Variants in RNF145 observed in about 807,000 individuals in gnomAD.
RNF145 encodes the protein ring finger protein 145.
Under a neutral mutation model 57.3 loss-of-function variants are expected in RNF145, and 12 were observed. That is an observed-to-expected ratio of 0.21 (90% confidence interval 0.13 to 0.34). The LOEUF is 0.34. RNF145 is among the 10% of genes least tolerant of loss of function. RNF145 has a pLI of 1.00. For missense variants in RNF145, 429 were observed against 799.0 expected (o/e 0.54, Z 5.58); for synonymous variants, 262 against 288.3 (o/e 0.91, Z 0.92).
chr5:159,182,345 T>G (rs1225678447), intron 3 of RNF145, among the ~76,000 whole-genome samples: 2 of 152,064 alleles, frequency 1.3e-5, no homozygotes, highest in Non-Finnish European at 2.9e-5. Context: ...AAAAACCCAA[T>G]TGAGAGCTGA....
intron 3 of RNF145, among the ~76,000 whole-genome samples, chr5:159,189,291 A>G (rs1785202734): frequency 6.6e-6 from 1 of 152,258 alleles, no homozygotes; most frequent in Non-Finnish European, 1.5e-5. Flanking sequence ...TTAAATACTG[A>G]GCAAAGGATG....
rs1397005010 is a variant in RNF145, at chr5:159,157,878, C to A, written c.*792G>T. 2 of 152,774 alleles carry A rather than the reference C, an allele frequency of 1.3e-5. No individual in the cohort carries two copies. The highest frequency in any genetic ancestry group is 2.9e-5 in the Non-Finnish European group (2 of 68,032). 9.5% of individuals were successfully genotyped at this position (152,774 alleles called of 1,614,324 possible). A position where few individuals can be genotyped will look rare whatever the true frequency, so the allele number is the denominator to read the frequency against. On this transcript the variant is annotated 3_prime_UTR_variant, in exon 11 of 11. Transcript: ENST00000424310. Reference sequence around the variant, plus strand: ...CTAAAGCCCTTCCCACTTTGGTCTCCTTCACTAAAGCAGACTCCAAAGTGT... The same window carrying A: ...CTAAAGCCCTTCCCACTTTGGTCTCATTCACTAAAGCAGACTCCAAAGTGT...
chr5:159,164,228 C>T (rs1025531513), intron 8 of RNF145, among the ~76,000 whole-genome samples: 7 of 151,556 alleles, frequency 4.6e-5, no homozygotes, highest in African/African-American at 1.5e-4. Flanking sequence ...TTTTTCTTGC[C>T]AAAAACTAAT....
chr5:159,195,820 C>T (rs973504995), intron 2 of RNF145, among the ~76,000 whole-genome samples: 2 of 152,138 alleles, frequency 1.3e-5, no homozygotes, highest in Non-Finnish European at 2.9e-5. Flanking sequence ...CAGGCAAAAA[C>T]ATATCCTCAT....
At chr5:159,201,367 T>A (rs1428003196) in intron 2 of RNF145, among the ~76,000 whole-genome samples, 2 of 152,222 alleles carry the variant, frequency 1.3e-5, no homozygotes, top group Non-Finnish European at 2.9e-5. Context: ...TTTGTACTTG[T>A]TGAAATTATA....
At position 159,158,620 on chromosome 5, in the gene RNF145, A is replaced by C; in HGVS notation, c.*50T>G. ...AAATCAGAACATGAATTCCATCTTG[A>C]GTTAACTTCTCCTCCAGAGTATCAA... On this transcript the variant is annotated 3_prime_UTR_variant, in exon 11 of 11. Transcript: ENST00000424310. 1 of 1,561,666 alleles carries C rather than the reference A, an allele frequency of 6.4e-7. No homozygotes were observed. The highest frequency in any genetic ancestry group is 8.7e-7 in the Non-Finnish European group (1 of 1,152,030).
chr5:159,167,418 C>CAAA (rs1161794254), intron 8 of RNF145, among the ~76,000 whole-genome samples: 2 of 152,186 alleles, frequency 1.3e-5, no homozygotes, highest in African/African-American at 4.8e-5. Flanking sequence ...TGGAGAAAGC[C>CAAA]AGTAGTGAGG....
chr5:159,205,267 A>T (rs1785835773), intron 1 of RNF145, among the ~76,000 whole-genome samples: 1 of 152,234 alleles, frequency 6.6e-6, no homozygotes, highest in South Asian at 2.1e-4. Context: ...TCATTTTCAT[A>T]ATTTTCCTAC....
chr5:159,205,784 T>C (rs568933787), intron 1 of RNF145, among the ~76,000 whole-genome samples: 2 of 152,320 alleles, frequency 1.3e-5, no homozygotes. Context: ...GGAGGAGCTA[T>C]TACTGATTTA....
At chr5:159,204,476 T>A (rs1055028029) in intron 1 of RNF145, among the ~76,000 whole-genome samples, 4 of 152,070 alleles carry the variant, frequency 2.6e-5, no homozygotes, top group African/African-American at 9.7e-5. Context: ...CTGCTTTATA[T>A]GGTAGAACTT....
rs1272675346 is a variant in RNF145 at position 159,207,440 on chromosome 5, C to T, written c.-40+1791G>A. ...ATTCAGTACAATACTTCTACACCTTCCCCCTAAAAAAGAAAAACAAAAATC... is the reference window on the plus strand; with the variant it reads ...ATTCAGTACAATACTTCTACACCTTTCCCCTAAAAAAGAAAAACAAAAATC... On this transcript the variant is annotated intron_variant, in intron 1 of 10. Transcript: ENST00000424310. 7 of 1,308,072 alleles carry T rather than the reference C, an allele frequency of 5.4e-6. No individual in the cohort carries two copies. The Admixed American group carries it at 9.9e-5, about 19-fold the overall frequency. The allele number at this position is 1,308,072 out of a possible 1,614,324, so 81.0% of individuals were successfully genotyped here.
intron 4 of RNF145, among the ~76,000 whole-genome samples, chr5:159,177,982 A>G (rs1486351224): frequency 3.3e-5 from 5 of 152,022 alleles, no homozygotes; most frequent in Non-Finnish European, 7.4e-5. Flanking sequence ...CGAAATAGTA[A>G]TCCTTAGTCA....
At chr5:159,181,128 CAAA>C (rs76460086) in intron 4 of RNF145, among the ~76,000 whole-genome samples, 2 of 89,604 alleles carry the variant, frequency 2.2e-5, no homozygotes, top group Non-Finnish European at 2.2e-5. Flanking sequence ...GACTCTGTCT[CAAA>C]AAAAAAAAAA....
At chr5:159,209,029 G>C (rs1240302651) in intron 1 of RNF145, among the ~76,000 whole-genome samples, 1 of 152,012 alleles carries the variant, frequency 6.6e-6, no homozygotes, top group Non-Finnish European at 1.5e-5. Context: ...TAGAGGATGG[G>C]AGGGAGGGGT....
At position 159,203,466 on chromosome 5, in the gene RNF145, T is replaced by A; in HGVS notation, c.152A>T (p.Tyr51Phe). ...ATGCATATTAAGAGCCAAATACTTA[T>A]ACTGGAAAAGAGGGTTATTACTAAG... The part of the protein sequence containing the change: ...SSLSNNPLFQ[Y>F]KYLALNMHYV... Residue 51 changes from tyrosine to phenylalanine, a missense_variant, in exon 2 of 11, where the codon TAT (tyrosine) becomes TTT (phenylalanine). Tyr to Phe is a conservative substitution (Grantham distance 22). Around this residue, in one of 4 missense-constraint regions of RNF145, gnomAD observed 109 missense variants for 207.2 expected, o/e 0.53. Coordinates refer to ENST00000424310, the MANE Select transcript of RNF145 (RefSeq NM_001199383.2). 2 of 1,613,906 alleles carry A rather than the reference T, an allele frequency of 1.2e-6. No individual in the cohort carries two copies. The highest frequency in any genetic ancestry group is 1.7e-6 in the Non-Finnish European group (2 of 1,179,788).
intron 8 of RNF145, among the ~76,000 whole-genome samples, chr5:159,166,662 G>A (rs12055000): frequency 0.1 from 15,452 of 152,142 alleles, 1,092 homozygotes; most frequent in East Asian, 0.35. Flanking sequence ...GTCAGTCTGT[G>A]GTCTCTATTC....
rs568600361 is a variant in RNF145, at chr5:159,171,386, A to G, written c.798-1567T>C. ...TCTCTATTTTTACGGACCTTTCTCC[A>G]TATTTAGAAACATTTTTTACACCCA... On this transcript the variant is annotated intron_variant, in intron 6 of 10. Coordinates refer to ENST00000424310, the MANE Select transcript of RNF145 (RefSeq NM_001199383.2). Among the ~76,000 whole-genome samples, 28 of 152,238 alleles carry G rather than the reference A, an allele frequency of 1.8e-4. 1 individual carries two copies. In the East Asian group the frequency reaches 5.2e-3, roughly 28 times the overall value.
intron 2 of RNF145, 104 bp from the exon 3 acceptor site, chr5:159,194,928 A>T: frequency 1.3e-6 from 1 of 776,190 alleles, no homozygotes; most frequent in Non-Finnish European, 2.0e-6. Flanking sequence ...AGGTTTCAGT[A>T]CTTTCTGAGG....
chr5:159,209,478 G>C lies in RNF145; in HGVS notation c.-287C>G. ...CCGCGGCAGCAGGCGCTCGCGGGCC[G>C]AGCCCCTTAGCAGCCGGCGCCGGCG... On this transcript the variant is annotated 5_prime_UTR_variant, in exon 1 of 11. Transcript: ENST00000424310. 4 of 813,940 alleles carry C rather than the reference G, an allele frequency of 4.9e-6. No individual in the cohort carries two copies. Among genetic ancestry groups the C allele is most frequent in the Non-Finnish European group, 5.8e-6 (4 of 686,984 alleles). The allele number at this position is 813,940 out of a possible 1,614,324, so 50.4% of individuals were successfully genotyped here. A position where few individuals can be genotyped will look rare whatever the true frequency, so the allele number is the denominator to read the frequency against.
Sources: allele counts gnomAD v4.1 joint callset (sites outside exome capture counted in the v4.1 genomes callset), GRCh38; gene constraint gnomAD v4.1.1; regional missense constraint gnomAD v4.1.1; transcripts MANE v1.5; gene names NCBI Gene and HGNC (gene_info 2026-07-23, HGNC 2026-07-21).